EXOC4: variants seen among roughly 807,000 people sequenced by gnomAD.
The protein encoded by EXOC4 is exocyst complex component 4.
EXOC4 carries 71 observed loss-of-function variants against 107.2 expected under a neutral mutation model. The observed-to-expected ratio is 0.66, with a 90% CI of 0.55 to 0.81. The LOEUF (loss-of-function observed/expected upper bound fraction) is 0.81. EXOC4 is among the 30% of genes least tolerant of loss of function. The pLI, the probability that EXOC4 is intolerant of heterozygous loss-of-function variation, is 0.00. For missense variants in EXOC4, 1,108 were observed against 1,189.6 expected (o/e 0.93, Z 1.01); for synonymous variants, 456 against 441.2 (o/e 1.03, Z -0.42).
chr7:133,842,985 G>T (rs757657110), intron 11 of EXOC4, among the ~76,000 whole-genome samples: 27 of 152,144 alleles, frequency 1.8e-4, no homozygotes, highest in Non-Finnish European at 3.5e-4. Flanking sequence ...CATTATTTCT[G>T]CTCTCTAATA....
intron 5 of EXOC4, among the ~76,000 whole-genome samples, 169 bp from the exon 6 acceptor site, chr7:133,356,161 G>T (rs573824043): frequency 9.2e-5 from 14 of 152,278 alleles, no homozygotes; most frequent in African/African-American, 3.1e-4. Flanking sequence ...GAATATAAAT[G>T]TTATTTTGTG....
chr7:133,261,640 G>A (rs1006148554), intron 1 of EXOC4, among the ~76,000 whole-genome samples: 1 of 152,118 alleles, frequency 6.6e-6, no homozygotes, highest in African/African-American at 2.4e-5. Flanking sequence ...TTTGTTCTGA[G>A]ATGTGGTTAA....
chr7:133,991,058 TCTTC>T (rs899808806), intron 14 of EXOC4, among the ~76,000 whole-genome samples: 13 of 152,314 alleles, frequency 8.5e-5, no homozygotes, highest in African/African-American at 3.1e-4. Flanking sequence ...GTATGAGCAT[TCTTC>T]CTTCTCCACA....
chr7:133,983,597 G>A (rs773080667), intron 14 of EXOC4, among the ~76,000 whole-genome samples: 6 of 151,718 alleles, frequency 4.0e-5, no homozygotes, highest in Non-Finnish European at 7.4e-5. Flanking sequence ...AGGCTCTTTG[G>A]AAGATTTACA....
At chr7:133,995,198 G>T (rs1051058674) in intron 14 of EXOC4, among the ~76,000 whole-genome samples, 2 of 152,210 alleles carry the variant, frequency 1.3e-5, no homozygotes, top group Admixed American at 6.5e-5. Context: ...TTTGTAATTT[G>T]ACAGTGGTCA....
At chr7:133,637,657 C>T (rs1802745701) in intron 10 of EXOC4, among the ~76,000 whole-genome samples, 1 of 152,130 alleles carries the variant, frequency 6.6e-6, no homozygotes, top group African/African-American at 2.4e-5. Context: ...TGCTAGTTTT[C>T]AGTCTGCCTG....
At chr7:133,974,189 T>C (rs1004943139) in intron 14 of EXOC4, among the ~76,000 whole-genome samples, 3 of 152,138 alleles carry the variant, frequency 2.0e-5, no homozygotes, top group Admixed American at 1.3e-4. Flanking sequence ...TCAAGAGATA[T>C]TAAGAAAGAA....
chr7:133,368,472 C>T (rs899367413), intron 6 of EXOC4, among the ~76,000 whole-genome samples: 1 of 152,150 alleles, frequency 6.6e-6, no homozygotes, highest in African/African-American at 2.4e-5. Flanking sequence ...CTTTCCTTCC[C>T]TCTAGATGGT....
chr7:133,856,713 G>A (rs1798380807), intron 11 of EXOC4, among the ~76,000 whole-genome samples: 1 of 152,094 alleles, frequency 6.6e-6, no homozygotes, highest in Non-Finnish European at 1.5e-5. Flanking sequence ...AGATCCAGAT[G>A]CTTCATTCTG....
intron 14 of EXOC4, among the ~76,000 whole-genome samples, chr7:133,955,267 C>A (rs951166098): frequency 1.3e-5 from 2 of 152,184 alleles, no homozygotes; most frequent in Admixed American, 6.5e-5. Context: ...CAGTGGAGAC[C>A]TGCAGTGGGT....
chr7:133,521,789 T>G (rs1799984952), intron 9 of EXOC4, among the ~76,000 whole-genome samples: 2 of 151,994 alleles, frequency 1.3e-5, no homozygotes, highest in South Asian at 2.1e-4. Context: ...CCGGCTAATT[T>G]TTTGTATTTT....
Position 133,817,397 on chromosome 7 carries a change from C to A in EXOC4, c.1587C>A (p.Thr529=). The part of the protein sequence containing the change: ...AKQCPLREFL[T]VYIKNIFLNQ... ...AGTGTCCTCTTCGAGAGTTTCTCAC[C>A]GTGTACATCAAAAACATCTTTCTCA... The change falls in exon 11 of 18, where the codon ACC becomes ACA. Residue 529 remains threonine (T), a synonymous_variant. Transcript: ENST00000253861. 6.2e-7 allele frequency: 1 copy of A among 1,614,012 alleles called. No individual in the cohort carries two copies. The highest frequency in any genetic ancestry group is 8.5e-7 in the Non-Finnish European group (1 of 1,179,970).
chr7:133,480,050 G>T lies in EXOC4; in HGVS notation c.1329G>T (p.Lys443Asn), dbSNP rs755379810. 6.8e-6 allele frequency: 11 copies of T among 1,613,604 alleles called. No individual in the cohort carries two copies. Among genetic ancestry groups the T allele is most frequent in the Middle Eastern group, 1.6e-4 (1 of 6,072 alleles). Residue 443 changes from lysine (K) to asparagine (N), a missense_variant and splice_region_variant, in exon 9 of 18, where the codon AAG (lysine) becomes AAT (asparagine). By Grantham distance (94) the Lys-to-Asn change is moderately conservative (BLOSUM62 0). Transcript: ENST00000253861. ...KPQRPKNSLFKFESSSHAISM... is the reference protein window; with the variant it reads ...KPQRPKNSLFNFESSSHAISM... Reference sequence around the variant, plus strand: ...CTGTTTCCCCTGTGTTTCTCTGCAGGTTCGAATCGTCCTCCCATGCCATCA... The same window carrying T: ...CTGTTTCCCCTGTGTTTCTCTGCAGTTTCGAATCGTCCTCCCATGCCATCA...
chr7:133,563,516 A>G (rs1050711120), intron 9 of EXOC4, among the ~76,000 whole-genome samples: 2 of 152,156 alleles, frequency 1.3e-5, no homozygotes, highest in African/African-American at 4.8e-5. Context: ...TGATTTAGTT[A>G]TTTTTAAGAT....
intron 9 of EXOC4, among the ~76,000 whole-genome samples, chr7:133,513,893 A>G (rs1488523501): frequency 2.6e-5 from 4 of 152,046 alleles, no homozygotes; most frequent in Non-Finnish European, 4.4e-5. Context: ...CTGCTCTCCA[A>G]TTTGCCGGAC....
At chr7:133,392,963 G>C (rs1248573945) in intron 7 of EXOC4, among the ~76,000 whole-genome samples, 3 of 152,098 alleles carry the variant, frequency 2.0e-5, no homozygotes, top group Non-Finnish European at 2.9e-5. Context: ...TCCAGGCTTA[G>C]TTTACCCTTT....
chr7:134,044,400 C>T (rs1274124411), intron 17 of EXOC4, among the ~76,000 whole-genome samples: 1 of 152,174 alleles, frequency 6.6e-6, no homozygotes, highest in Admixed American at 6.5e-5. Context: ...TCCTGCCTAC[C>T]ACCGTCTTCT....
At chr7:133,324,228 T>G (rs1293844744) in intron 5 of EXOC4, among the ~76,000 whole-genome samples, 2 of 152,188 alleles carry the variant, frequency 1.3e-5, no homozygotes, top group African/African-American at 4.8e-5. Flanking sequence ...TGCTCTGATC[T>G]TAGTTATTTC....
intron 7 of EXOC4, among the ~76,000 whole-genome samples, chr7:133,419,666 T>C (rs933683725): frequency 3.3e-5 from 5 of 152,086 alleles, no homozygotes; most frequent in Non-Finnish European, 7.4e-5. Flanking sequence ...CCAACCCAAA[T>C]AGAAGACAGC....
Sources: gnomAD v4.1 joint callset for allele counts (sites outside exome capture counted in the v4.1 genomes callset) on GRCh38, gnomAD v4.1.1 for gene constraint, MANE v1.5 for transcripts, NCBI Gene and HGNC (gene_info 2026-07-23, HGNC 2026-07-21) for gene names.